NPAS2: variants seen among roughly 807,000 people sequenced by gnomAD.
The protein encoded by NPAS2 is neuronal PAS domain-containing protein 2.
Under a neutral mutation model 107.5 loss-of-function variants are expected in NPAS2, and 23 were observed. The observed-to-expected ratio is 0.21, with a 90% confidence interval of 0.15 to 0.30. NPAS2 has a LOEUF of 0.30. Ranked by LOEUF, NPAS2 falls within the 10% of genes least tolerant of loss-of-function variation. The pLI is 1.00. For synonymous variants in NPAS2, 403 were observed against 417.5 expected, an observed-to-expected ratio of 0.97 and a Z score of 0.42; for missense variants, 756 against 1,043.3, an observed-to-expected ratio of 0.72 and a Z score of 3.79.
At chr2:100,844,129 C>T (rs1677623260) in intron 1 of NPAS2, among the ~76,000 whole-genome samples, 1 of 152,192 alleles carries the variant, frequency 6.6e-6, no homozygotes, top group Admixed American at 6.5e-5. Context: ...TCCTTCAATA[C>T]TGACCCAATT....
At chr2:100,836,391 T>G (rs907818239) in intron 1 of NPAS2, among the ~76,000 whole-genome samples, 1 of 152,196 alleles carries the variant, frequency 6.6e-6, no homozygotes, top group African/African-American at 2.4e-5. Context: ...CTGGAATCCT[T>G]GAATAACATC....
intron 2 of NPAS2, among the ~76,000 whole-genome samples, chr2:100,908,408 T>G (rs1230201544): frequency 2.0e-5 from 3 of 152,036 alleles, no homozygotes; most frequent in Non-Finnish European, 4.4e-5. Context: ...ATTTTACAGT[T>G]GAGAAACCTG....
intron 5 of NPAS2, among the ~76,000 whole-genome samples, chr2:100,947,128 G>A (rs922464188): frequency 1.3e-5 from 2 of 152,226 alleles, no homozygotes; most frequent in Admixed American, 1.3e-4. Flanking sequence ...TTGAAGCTGT[G>A]AGAGTGGATG....
In NPAS2 at chr2:100,990,262, A is replaced by G. The variant is rs764655773; in HGVS notation, c.1834A>G (p.Lys612Glu). 1 of 1,614,074 alleles carries G rather than the reference A, an allele frequency of 6.2e-7. No homozygotes were observed. The highest frequency in any genetic ancestry group is 1.1e-5 in the South Asian group (1 of 91,066). The change falls in exon 18 of 21, where the codon AAG becomes GAG. Residue 612 changes from lysine (K) to glutamate (E), a missense_variant. Physicochemically the swap from Lys to Glu is moderately conservative, Grantham distance 56. Around this residue, in one of 4 missense-constraint regions of NPAS2, gnomAD observed 496 missense variants for 594.4 expected, o/e 0.83. Coordinates refer to ENST00000335681, the MANE Select transcript of NPAS2 (RefSeq NM_002518.4). Reference sequence around the variant, plus strand: ...CATTGAAATGATGCTCCAGGGTCCAAAGCCAATGAGAAGCTCACAGCTAAT... The same window carrying G: ...CATTGAAATGATGCTCCAGGGTCCAGAGCCAATGAGAAGCTCACAGCTAAT... ...ESSVISTQGP[K>E]PMRSSQLMQS...
intron 10 of NPAS2, among the ~76,000 whole-genome samples, chr2:100,966,205 C>T (rs1867862): frequency 0.19 from 28,434 of 152,034 alleles, 3,518 homozygotes; most frequent in East Asian, 0.47. Context: ...CTTGCTGTCC[C>T]GCAGGGCAGG....
intron 1 of NPAS2, among the ~76,000 whole-genome samples, chr2:100,875,605 C>T (rs1346546422): frequency 2.0e-5 from 3 of 152,186 alleles, no homozygotes; most frequent in African/African-American, 2.4e-5. Context: ...CTCCTGGACG[C>T]GCAGCTTGTC....
At chr2:100,887,090 G>A (rs1680744041) in intron 1 of NPAS2, among the ~76,000 whole-genome samples, 1 of 152,200 alleles carries the variant, frequency 6.6e-6, no homozygotes, top group Non-Finnish European at 1.5e-5. Context: ...GGCCTGGGCT[G>A]CAAGGCCACT....
At chr2:100,876,581 A>C (rs1679983253) in intron 1 of NPAS2, among the ~76,000 whole-genome samples, 1 of 152,200 alleles carries the variant, frequency 6.6e-6, no homozygotes, top group Non-Finnish European at 1.5e-5. Context: ...CTATAGCCTT[A>C]AATCAGTGAT....
At chr2:100,933,023 G>C (rs747397865) in intron 4 of NPAS2, 22 bp downstream of exon 4, 64 of 1,555,904 alleles carry the variant, frequency 4.1e-5, no homozygotes, top group Non-Finnish European at 5.6e-5. Context: ...TTTCAAAATA[G>C]CTTAAACAGT....
At chr2:100,872,206 G>A (rs1679628377) in intron 1 of NPAS2, among the ~76,000 whole-genome samples, 1 of 152,156 alleles carries the variant, frequency 6.6e-6, no homozygotes, top group South Asian at 2.1e-4. Context: ...GGCTGTTGAT[G>A]GCCTTGTGGT....
At position 100,925,132 on chromosome 2, in the gene NPAS2, T is replaced by G. The variant is rs145482351; in HGVS notation, c.33-14T>G. 1.1e-4 allele frequency: 175 copies of G among 1,601,812 alleles called. No homozygotes were observed. The African/African-American group carries it at 1.3e-3, about 12-fold the overall frequency. ...GTGGAATGTTCCAGTAACCTGCTCGTTTTGTGTTTACAGAGCTTCTCGAAA... is the reference window on the plus strand; with the variant it reads ...GTGGAATGTTCCAGTAACCTGCTCGGTTTGTGTTTACAGAGCTTCTCGAAA... On this transcript the variant is annotated splice_polypyrimidine_tract_variant and intron_variant, in intron 2 of 20. Coordinates refer to ENST00000335681, the MANE Select transcript of NPAS2 (RefSeq NM_002518.4).
At chr2:100,930,334 T>C (rs1683854686) in intron 3 of NPAS2, among the ~76,000 whole-genome samples, 1 of 152,218 alleles carries the variant, frequency 6.6e-6, no homozygotes, top group South Asian at 2.1e-4. Flanking sequence ...CTGTGGAATT[T>C]CTGCTCCATT....
intron 1 of NPAS2, among the ~76,000 whole-genome samples, chr2:100,838,386 T>C (rs1677193452): frequency 6.6e-6 from 1 of 152,144 alleles, no homozygotes; most frequent in Non-Finnish European, 1.5e-5. Flanking sequence ...CACACGATTC[T>C]TCTGCCTCCA....
At chr2:100,850,740 A>T (rs1294831426) in intron 1 of NPAS2, among the ~76,000 whole-genome samples, 1 of 151,846 alleles carries the variant, frequency 6.6e-6, no homozygotes, top group Non-Finnish European at 1.5e-5. Flanking sequence ...ATCACTTGAG[A>T]TCAGGCATTC....
chr2:100,838,038 GC>G (rs1677173100), intron 1 of NPAS2, among the ~76,000 whole-genome samples: 1 of 152,130 alleles, frequency 6.6e-6, no homozygotes, highest in African/African-American at 2.4e-5. Context: ...CTCATTCTCT[GC>G]AGCACCCTTT....
At chr2:100,953,949 A>G (rs1460011403) in intron 7 of NPAS2, among the ~76,000 whole-genome samples, 1 of 152,242 alleles carries the variant, frequency 6.6e-6, no homozygotes, top group Non-Finnish European at 1.5e-5. Context: ...AATGACTGTC[A>G]TGAAGGGAAA....
At chr2:100,954,685 A>AAAAAAAAG (rs1675458114) in intron 7 of NPAS2, among the ~76,000 whole-genome samples, 1 of 144,322 alleles carries the variant, frequency 6.9e-6, no homozygotes, top group African/African-American at 2.5e-5. Flanking sequence ...AAAAAAGAAA[A>AAAAAAAAG]AAAAGAAAAG....
chr2:100,834,165 G>T (rs1304496657), intron 1 of NPAS2, among the ~76,000 whole-genome samples: 1 of 152,050 alleles, frequency 6.6e-6, no homozygotes, highest in Admixed American at 6.5e-5. Flanking sequence ...GAGTCCTGAA[G>T]AGGCTTCCTC....
At chr2:100,979,550 T>C (rs1677304605) in intron 15 of NPAS2, among the ~76,000 whole-genome samples, 2 of 141,388 alleles carry the variant, frequency 1.4e-5, no homozygotes, top group South Asian at 2.3e-4. Context: ...TTTCACTCTT[T>C]TTGCCCAGGC....
Sources: gnomAD v4.1 joint callset for allele counts (sites outside exome capture counted in the v4.1 genomes callset) on GRCh38, gnomAD v4.1.1 for gene constraint, gnomAD v4.1.1 regional missense constraint, MANE v1.5 for transcripts, NCBI Gene and HGNC (gene_info 2026-07-23, HGNC 2026-07-21) for gene names.